ASCC1: variants seen among roughly 807,000 people sequenced by gnomAD.
ASCC1 encodes the protein ASC-1 complex subunit P50.
A neutral mutation model predicts 46.6 loss-of-function variants in ASCC1; 35 were observed. The observed-to-expected ratio is 0.75, with a 90% confidence interval of 0.57 to 0.99. The LOEUF (loss-of-function observed/expected upper bound fraction) is 0.99, where lower values mean the gene tolerates loss of function less well. Among genes scored for constraint, ASCC1 ranks in the 50% least tolerant of loss-of-function variants. The pLI is 0.00. For synonymous variants in ASCC1, 143 were observed against 146.6 expected (o/e 0.98, Z 0.18); for missense variants, 376 against 428.7 (o/e 0.88, Z 1.09).
Position 72,111,799 on chromosome 10 carries a change from G to A in ASCC1, c.958-14349C>T, listed in dbSNP as rs572873068. Among the ~76,000 whole-genome samples, 6 of 152,142 alleles carry A rather than the reference G, an allele frequency of 3.9e-5. No homozygotes were observed. The East Asian group carries it at 5.8e-4, about 15-fold the overall frequency. On this transcript the variant is annotated intron_variant, in intron 9 of 9. Coordinates refer to ENST00000672957, the MANE Select transcript of ASCC1 (RefSeq NM_001198800.3). ...TGGGACTACAGGTGCCTGCCACCACGCCCGGCTAATTTTTTTGTATTTTTA... is the reference window on the plus strand; with the variant it reads ...TGGGACTACAGGTGCCTGCCACCACACCCGGCTAATTTTTTTGTATTTTTA...
intron 1 of ASCC1, among the ~76,000 whole-genome samples, chr10:72,215,185 G>A (rs1426547149): frequency 6.6e-6 from 1 of 152,214 alleles, no homozygotes. Context: ...GATCATCTGA[G>A]GCCAGGAGTT....
chr10:72,187,699 G>A (rs1006053281), intron 5 of ASCC1, among the ~76,000 whole-genome samples: 11 of 125,370 alleles, frequency 8.8e-5, no homozygotes, highest in Admixed American at 1.9e-4. Flanking sequence ...CAGCCTGGGT[G>A]ACAGAGCGAG....
intron 1 of ASCC1, among the ~76,000 whole-genome samples, chr10:72,215,039 T>C (rs1404366056): frequency 4.6e-5 from 7 of 152,238 alleles, no homozygotes; most frequent in African/African-American, 1.7e-4. Context: ...ACGTACAGCT[T>C]AGATAGTCTT....
chr10:72,098,019 C>G (rs1381855576), intron 9 of ASCC1, among the ~76,000 whole-genome samples: 1 of 152,244 alleles, frequency 6.6e-6, no homozygotes, highest in Admixed American at 6.5e-5. Context: ...GACACTTCTA[C>G]TGCCAACAGA....
intron 9 of ASCC1, among the ~76,000 whole-genome samples, chr10:72,119,602 T>A (rs1589228689): frequency 6.6e-6 from 1 of 152,040 alleles, no homozygotes; most frequent in South Asian, 2.1e-4. Flanking sequence ...AATCACAGAA[T>A]TACAGAACAC....
Position 72,203,414 on chromosome 10 carries a change from T to C in ASCC1, c.310+13A>G, listed in dbSNP as rs1316886658. On this transcript the variant is annotated intron_variant, in intron 4 of 9. Transcript: ENST00000672957. ...AGTGACTTCAAATGTAACTTATATC[T>C]ACTGAGTCTCACCAATTTCCCCGTC... The C allele has an allele frequency of 2.5e-6, 4 of 1,585,372 alleles. No homozygotes were observed. The highest frequency in any genetic ancestry group is 8.7e-7 in the Non-Finnish European group (1 of 1,153,924).
chr10:72,172,443 T>C lies in ASCC1; in HGVS notation c.490-10769A>G, dbSNP rs571314068. 4.1e-5 allele frequency among the ~76,000 whole-genome samples: 6 copies of C among 147,928 alleles called. No individual in the cohort carries two copies. In the East Asian group the frequency reaches 9.8e-4, roughly 24 times the overall value. On this transcript the variant is annotated intron_variant, in intron 5 of 9. Coordinates refer to ENST00000672957, the MANE Select transcript of ASCC1 (RefSeq NM_001198800.3). ...AAAAAAAAAAAAAAAAAAGAAAAACTCTAAGCACAAATAAAAGAGGAAACA... is the reference window on the plus strand; with the variant it reads ...AAAAAAAAAAAAAAAAAAGAAAAACCCTAAGCACAAATAAAAGAGGAAACA...
At chr10:72,177,179 C>T (rs865864012) in intron 5 of ASCC1, among the ~76,000 whole-genome samples, 3 of 152,142 alleles carry the variant, frequency 2.0e-5, no homozygotes, top group Non-Finnish European at 2.9e-5. Context: ...AGTATCTCCA[C>T]CGAAATGGGA....
At position 72,161,390 on chromosome 10, in the gene ASCC1, G is replaced by T. The variant is rs1849675368; in HGVS notation, c.626+148C>A. On this transcript the variant is annotated intron_variant, in intron 6 of 9. Coordinates refer to ENST00000672957, the MANE Select transcript of ASCC1 (RefSeq NM_001198800.3). The stretch of plus-strand genomic sequence containing the variant: ...TAAGGTTATGGAATCTGGTATGAGA[G>T]GTTAGCCTGTATTGCCTGAGTGGGC... 25 of 933,842 alleles carry T rather than the reference G, an allele frequency of 2.7e-5. 2 individuals carry two copies. The South Asian group carries it at 3.4e-4, about 13-fold the overall frequency. The allele number at this position is 933,842 out of a possible 1,614,324, so 57.8% of individuals were successfully genotyped here. A position where few individuals can be genotyped will look rare whatever the true frequency, so the allele number is the denominator to read the frequency against.
chr10:72,155,972 A>G (rs1848908013), intron 6 of ASCC1, among the ~76,000 whole-genome samples: 1 of 152,228 alleles, frequency 6.6e-6, no homozygotes, highest in South Asian at 2.1e-4. Flanking sequence ...GCTGTTCTGG[A>G]CAATTTTGAG....
At chr10:72,201,128 T>C (rs1277597426) in intron 4 of ASCC1, among the ~76,000 whole-genome samples, 1 of 152,076 alleles carries the variant, frequency 6.6e-6, no homozygotes, top group African/African-American at 2.4e-5. Context: ...TTGCTACTTA[T>C]CTGCTGTCAA....
At chr10:72,215,528 C>T (rs1480689970) in intron 1 of ASCC1, among the ~76,000 whole-genome samples, 1 of 152,154 alleles carries the variant, frequency 6.6e-6, no homozygotes, top group Non-Finnish European at 1.5e-5. Context: ...TAGCAATACT[C>T]GATGACATCA....
chr10:72,214,245 T>C (rs1338546631), intron 1 of ASCC1, among the ~76,000 whole-genome samples: 2 of 151,776 alleles, frequency 1.3e-5, no homozygotes, highest in African/African-American at 4.8e-5. Flanking sequence ...GCATTATAAA[T>C]GCCCGTATAT....
chr10:72,158,301 G>A (rs1467559252), intron 6 of ASCC1, among the ~76,000 whole-genome samples: 3 of 152,190 alleles, frequency 2.0e-5, no homozygotes, highest in East Asian at 1.9e-4. Flanking sequence ...TTGTTCACGC[G>A]TATTTTCTCT....
upstream of ASCC1, chr10:72,216,961 A>G (rs962914761): frequency 1.5e-5 from 7 of 456,050 alleles, no homozygotes; most frequent in Admixed American, 4.7e-5. Flanking sequence ...AAAAAAATCC[A>G]TAATGATCCA....
chr10:72,127,664 C>CT (rs3063665), intron 9 of ASCC1, among the ~76,000 whole-genome samples: 129 of 129,954 alleles, frequency 9.9e-4, no homozygotes, highest in Middle Eastern at 3.9e-3. Flanking sequence ...CTAAGGGTTT[C>CT]TTTTTTTTTT....
chr10:72,200,802 A>T (rs1345463335), intron 4 of ASCC1, among the ~76,000 whole-genome samples: 1 of 152,202 alleles, frequency 6.6e-6, no homozygotes, highest in African/African-American at 2.4e-5. Flanking sequence ...TTACTTTAAT[A>T]AAAGTCCTTC....
chr10:72,213,385 C>T, intron 1 of ASCC1, 54 bp from the exon 2 acceptor site: 1 of 944,176 alleles, frequency 1.1e-6, no homozygotes, highest in South Asian at 1.3e-5. Context: ...AAACTCCTAT[C>T]TCTAGTGTCT....
At chr10:72,192,575 C>T (rs534291679) in intron 5 of ASCC1, among the ~76,000 whole-genome samples, 1 of 152,304 alleles carries the variant, frequency 6.6e-6, no homozygotes, top group South Asian at 2.1e-4. Context: ...CTCACTGCAA[C>T]CTCCATCTCC....
Sources: allele counts gnomAD v4.1 joint callset (sites outside exome capture counted in the v4.1 genomes callset), GRCh38; gene constraint gnomAD v4.1.1; transcripts MANE v1.5; gene names NCBI Gene and HGNC (gene_info 2026-07-23, HGNC 2026-07-21).